EPHA4: variants seen among roughly 807,000 people sequenced by gnomAD.
EPHA4 encodes the protein ephrin type-A receptor 4.
EPHA4 carries 19 observed loss-of-function variants against 108.3 expected under a neutral mutation model. That is an observed-to-expected ratio of 0.18 (90% CI 0.12 to 0.26). The LOEUF (loss-of-function observed/expected upper bound fraction) is 0.26. Among genes scored for constraint, EPHA4 ranks in the 10% least tolerant of loss-of-function variants. EPHA4 has a pLI of 1.00. For synonymous variants in EPHA4, 449 were observed against 455.5 expected (o/e 0.99, Z 0.18); for missense variants, 917 against 1,254.0 (o/e 0.73, Z 4.06).
intron 3 of EPHA4, among the ~76,000 whole-genome samples, chr2:221,504,036 C>T (rs1353933760): frequency 1.3e-5 from 2 of 152,268 alleles, no homozygotes; most frequent in South Asian, 2.1e-4. Flanking sequence ...CTAAACAAAA[C>T]CCCTGTGAAA....
chr2:221,488,477 G>A (rs1692042274), intron 4 of EPHA4, among the ~76,000 whole-genome samples: 1 of 152,146 alleles, frequency 6.6e-6, no homozygotes, highest in African/African-American at 2.4e-5. Flanking sequence ...AAAGAAACGG[G>A]CACTGAATTT....
chr2:221,512,740 T>G lies in EPHA4; in HGVS notation c.824-11568A>C, dbSNP rs1692866204. Reference sequence around the variant, plus strand: ...TCATCCCTTATTAGGTATGTGCATTTATTCATTCATTGGGCCATTTATGTT... The same window carrying G: ...TCATCCCTTATTAGGTATGTGCATTGATTCATTCATTGGGCCATTTATGTT... On this transcript the variant is annotated intron_variant, in intron 3 of 17. Transcript: ENST00000281821. Among the ~76,000 whole-genome samples, 5 of 152,364 alleles carry G rather than the reference T, an allele frequency of 3.3e-5. No individual in the cohort carries two copies. In the South Asian group the frequency reaches 8.3e-4, roughly 25 times the overall value.
chr2:221,553,218 T>C (rs1694211405), intron 3 of EPHA4, among the ~76,000 whole-genome samples: 3 of 152,328 alleles, frequency 2.0e-5, no homozygotes, highest in African/African-American at 7.2e-5. Flanking sequence ...AATTCATTCA[T>C]CAAAAGCAAT....
rs572714380 is a variant in EPHA4 at position 221,424,980 on chromosome 2, C to T, written c.*819+229G>A. Among the ~76,000 whole-genome samples, 29 of 150,196 alleles carry T rather than the reference C, an allele frequency of 1.9e-4. No homozygotes were observed. The South Asian group carries it at 5.6e-3, about 29-fold the overall frequency. On this transcript the variant is annotated intron_variant, in intron 17 of 17. Coordinates refer to ENST00000281821, the MANE Select transcript of EPHA4 (RefSeq NM_004438.5). ...CTAGGACCATCCCTCAGAGCCTGAC[C>T]TCATCTGGGTCATATGTCACTTCTC...
rs543944957 is a variant in EPHA4, at chr2:221,484,160, AC to A, written c.980-1471del. Reference sequence around the variant, plus strand: ...GCTTGCATGAACTTGGATGAGCTTTACCTAGTCTACCACAATGAAACATACT... The same window carrying A: ...GCTTGCATGAACTTGGATGAGCTTTACTAGTCTACCACAATGAAACATACT... On this transcript the variant is annotated intron_variant, in intron 4 of 17. Transcript: ENST00000281821. Among the ~76,000 whole-genome samples, 257 of 152,332 alleles carry A rather than the reference AC, an allele frequency of 1.7e-3. 2 individuals are homozygous for A. The highest frequency in any genetic ancestry group is 3.0e-3 in the Non-Finnish European group (206 of 68,026).
At chr2:221,484,051 A>G (rs1691907698) in intron 4 of EPHA4, among the ~76,000 whole-genome samples, 1 of 152,230 alleles carries the variant, frequency 6.6e-6, no homozygotes, top group African/African-American at 2.4e-5. Flanking sequence ...GATCACTGTT[A>G]TCTATACTAC....
chr2:221,462,017 G>GA (rs1691160936), intron 5 of EPHA4, among the ~76,000 whole-genome samples: 1 of 135,110 alleles, frequency 7.4e-6, no homozygotes, highest in African/African-American at 2.7e-5. Flanking sequence ...CTTACTACAA[G>GA]AAAGAGATGC....
intron 3 of EPHA4, among the ~76,000 whole-genome samples, chr2:221,542,690 G>T (rs975638944): frequency 3.3e-5 from 5 of 152,150 alleles, no homozygotes; most frequent in Admixed American, 1.3e-4. Flanking sequence ...AAGCAATGAT[G>T]TTCCTGAAAT....
intron 8 of EPHA4, among the ~76,000 whole-genome samples, chr2:221,453,287 T>G (rs1277440765): frequency 6.6e-6 from 1 of 152,222 alleles, no homozygotes; most frequent in Non-Finnish European, 1.5e-5. Flanking sequence ...CATCTTTATT[T>G]TCTAACAACC....
chr2:221,500,696 C>T (rs1244409282), intron 4 of EPHA4, among the ~76,000 whole-genome samples: 2 of 152,174 alleles, frequency 1.3e-5, no homozygotes, highest in African/African-American at 4.8e-5. Context: ...TGTCAAGCTT[C>T]CCTGAGTCCT....
intron 3 of EPHA4, among the ~76,000 whole-genome samples, chr2:221,543,811 A>T (rs1420059861): frequency 1.3e-5 from 2 of 152,230 alleles, no homozygotes; most frequent in Non-Finnish European, 2.9e-5. Flanking sequence ...CATCCAGAAA[A>T]GTCCTGGTCA....
chr2:221,473,195 G>A (rs3770154), intron 5 of EPHA4, among the ~76,000 whole-genome samples: 1 of 152,060 alleles, frequency 6.6e-6, no homozygotes, highest in African/African-American at 2.4e-5. Context: ...GAATGAGAAA[G>A]CATGAGTACA....
intron 17 of EPHA4, among the ~76,000 whole-genome samples, chr2:221,422,991 A>C (rs972397399): frequency 1.3e-5 from 2 of 152,220 alleles, no homozygotes; most frequent in Admixed American, 6.5e-5. Flanking sequence ...CATTTAAGTG[A>C]AGAAGCTTCA....
chr2:221,440,365 G>C (rs1183900950), intron 11 of EPHA4, among the ~76,000 whole-genome samples: 1 of 152,106 alleles, frequency 6.6e-6, no homozygotes, highest in Non-Finnish European at 1.5e-5. Context: ...CACTGTCTGC[G>C]ACAGGAAAAA....
chr2:221,571,029 G>A lies in EPHA4; in HGVS notation c.91+1129C>T, dbSNP rs1359024611. ...CAGCATACGCTGGAACAGAGCACGA[G>A]CATACACTCGAACACACGCGCACAC... is the stretch of plus-strand genomic sequence containing the variant. On this transcript the variant is annotated intron_variant, in intron 1 of 17. Coordinates refer to ENST00000281821, the MANE Select transcript of EPHA4 (RefSeq NM_004438.5). The surrounding 1 kb of genome is among the most constrained non-coding windows in gnomAD (Gnocchi z 6.3). Among the ~76,000 whole-genome samples the A allele has an allele frequency of 2.6e-5, 4 of 152,114 alleles. No individual in the cohort carries two copies. The highest frequency in any genetic ancestry group is 9.7e-5 in the African/African-American group (4 of 41,402).
At chr2:221,453,454 C>A (rs750294435) in intron 8 of EPHA4, among the ~76,000 whole-genome samples, 6 of 152,008 alleles carry the variant, frequency 3.9e-5, no homozygotes, top group African/African-American at 1.5e-4. Flanking sequence ...GCACAGCATG[C>A]GTACATATAC....
chr2:221,535,421 C>G (rs1693639902), intron 3 of EPHA4, among the ~76,000 whole-genome samples: 1 of 152,178 alleles, frequency 6.6e-6, no homozygotes, highest in Non-Finnish European at 1.5e-5. Flanking sequence ...TATCTTATGC[C>G]ATTCTTACAG....
chr2:221,529,001 A>C (rs911399642), intron 3 of EPHA4, among the ~76,000 whole-genome samples: 4 of 152,160 alleles, frequency 2.6e-5, no homozygotes, highest in Admixed American at 2.0e-4. Flanking sequence ...ACAACAACAA[A>C]AAACTACGTA....
chr2:221,489,423 G>C (rs1029229289), intron 4 of EPHA4, among the ~76,000 whole-genome samples: 1 of 152,154 alleles, frequency 6.6e-6, no homozygotes, highest in South Asian at 2.1e-4. Context: ...AACTCACATT[G>C]TTAGCAAAAT....
Sources: gnomAD v4.1 joint callset for allele counts (sites outside exome capture counted in the v4.1 genomes callset) on GRCh38, gnomAD v4.1.1 for gene constraint, Gnocchi (gnomAD v3.1) non-coding constraint, MANE v1.5 for transcripts, NCBI Gene and HGNC (gene_info 2026-07-23, HGNC 2026-07-21) for gene names.